SPIRE1: variants seen among roughly 807,000 people sequenced by gnomAD.
The protein encoded by SPIRE1 is protein spire homolog 1.
SPIRE1 carries 40 observed loss-of-function variants against 94.1 expected under a neutral mutation model. The observed-to-expected ratio is 0.43, with a 90% confidence interval of 0.33 to 0.55. The LOEUF (loss-of-function observed/expected upper bound fraction) is 0.55, where lower values mean the gene tolerates loss of function less well. SPIRE1 is among the 20% of genes least tolerant of loss of function. The probability of loss-of-function intolerance (pLI) is 0.06; values close to 1 mark genes in which losing one functional copy is unlikely to be tolerated. For synonymous variants in SPIRE1, 376 were observed against 371.7 expected, an observed-to-expected ratio of 1.01 and a Z score of -0.13; for missense variants, 838 against 975.2, an observed-to-expected ratio of 0.86 and a Z score of 1.87.
intron 4 of SPIRE1, among the ~76,000 whole-genome samples, chr18:12,519,110 C>G (rs1217348004): frequency 6.6e-6 from 1 of 151,962 alleles, no homozygotes; most frequent in East Asian, 1.9e-4. Flanking sequence ...CAAGTAACAA[C>G]TATAGCAATT....
chr18:12,551,611 G>A (rs1220755826), intron 2 of SPIRE1, among the ~76,000 whole-genome samples: 1 of 152,044 alleles, frequency 6.6e-6, no homozygotes, highest in African/African-American at 2.4e-5. Flanking sequence ...AGGCTGAGGC[G>A]GGAGAATGGC....
At chr18:12,501,086 AAAAAAAAAAG>A (rs1420218179) in intron 6 of SPIRE1, among the ~76,000 whole-genome samples, 9 of 147,990 alleles carry the variant, frequency 6.1e-5, no homozygotes, top group East Asian at 1.9e-4. Context: ...AAAAAAAAAA[AAAAAAAAAAG>A]AAAAAAAAAA....
intron 6 of SPIRE1, among the ~76,000 whole-genome samples, chr18:12,497,429 A>T (rs1051332060): frequency 7.9e-5 from 12 of 152,138 alleles, no homozygotes; most frequent in African/African-American, 2.9e-4. Context: ...TTGTTTGACA[A>T]AATAGAACCT....
chr18:12,517,022 G>A (rs1178947559), intron 4 of SPIRE1, among the ~76,000 whole-genome samples: 1 of 152,190 alleles, frequency 6.6e-6, no homozygotes, highest in Non-Finnish European at 1.5e-5. Flanking sequence ...CTGTAGCTCA[G>A]ATACTTTCCA....
chr18:12,460,887 G>T (rs954659052), intron 12 of SPIRE1, among the ~76,000 whole-genome samples: 8 of 152,096 alleles, frequency 5.3e-5, no homozygotes, highest in African/African-American at 1.9e-4. Context: ...TGATTTTATG[G>T]ATTTCCCAAG....
At chr18:12,482,142 G>A (rs916508927) in intron 9 of SPIRE1, among the ~76,000 whole-genome samples, 2 of 152,056 alleles carry the variant, frequency 1.3e-5, no homozygotes, top group Non-Finnish European at 2.9e-5. Flanking sequence ...AAATAGTTTT[G>A]GCAGTTATTT....
intron 3 of SPIRE1, among the ~76,000 whole-genome samples, chr18:12,539,591 A>G (rs909012549): frequency 1.5e-5 from 2 of 133,952 alleles, no homozygotes; most frequent in Non-Finnish European, 3.2e-5. Context: ...ACACACGCAC[A>G]CACACACACA....
At chr18:12,491,119 A>G (rs1371880597) in intron 8 of SPIRE1, among the ~76,000 whole-genome samples, 2 of 152,066 alleles carry the variant, frequency 1.3e-5, no homozygotes, top group African/African-American at 4.8e-5. Flanking sequence ...AGTAAATTTA[A>G]TAAGGAGGTA....
At chr18:12,481,924 A>G (rs1213887769) in intron 9 of SPIRE1, among the ~76,000 whole-genome samples, 1 of 152,180 alleles carries the variant, frequency 6.6e-6, no homozygotes, top group Admixed American at 6.5e-5. Context: ...TTTCAAACGC[A>G]CACACCTTCC....
chr18:12,617,554 G>T, intron 2 of SPIRE1, among the ~76,000 whole-genome samples: 1 of 151,970 alleles, frequency 6.6e-6, no homozygotes, highest in East Asian at 1.9e-4. Flanking sequence ...GGGATTATAG[G>T]CGCCTGCCAC....
intron 16 of SPIRE1, chr18:12,450,882 C>T: frequency 1.4e-6 from 1 of 718,628 alleles, no homozygotes; most frequent in South Asian, 1.4e-5. Context: ...ACTAAGGCGG[C>T]AAAGCTGAAG....
intron 1 of SPIRE1, among the ~76,000 whole-genome samples, chr18:12,643,938 C>T (rs958690674): frequency 3.3e-5 from 5 of 150,874 alleles, no homozygotes; most frequent in Admixed American, 3.3e-4. Flanking sequence ...TCTATAATCC[C>T]AGCACTTTGG....
intron 2 of SPIRE1, among the ~76,000 whole-genome samples, chr18:12,571,884 T>C (rs2035967901): frequency 1.3e-5 from 2 of 152,096 alleles, no homozygotes; most frequent in Admixed American, 1.3e-4. Context: ...GGAAAACAGA[T>C]AATAAACTGA....
At chr18:12,549,635 G>C (rs895152263) in intron 2 of SPIRE1, among the ~76,000 whole-genome samples, 1 of 151,392 alleles carries the variant, frequency 6.6e-6, no homozygotes, top group African/African-American at 2.4e-5. Context: ...TATTTTAGTA[G>C]AGTCGGGGTT....
intron 2 of SPIRE1, among the ~76,000 whole-genome samples, chr18:12,547,792 A>C (rs1224266918): frequency 1.3e-5 from 2 of 152,112 alleles, no homozygotes; most frequent in Non-Finnish European, 2.9e-5. Context: ...AATTACAAAA[A>C]TGAGCTGGGC....
At chr18:12,479,350 T>C (rs2032754963) in intron 10 of SPIRE1, among the ~76,000 whole-genome samples, 2 of 151,962 alleles carry the variant, frequency 1.3e-5, no homozygotes, top group African/African-American at 2.4e-5. Flanking sequence ...AACTTTTTAA[T>C]TTTTTGTAGA....
chr18:12,622,536 CCT>C (rs1321021638), intron 2 of SPIRE1, among the ~76,000 whole-genome samples: 3 of 150,682 alleles, frequency 2.0e-5, no homozygotes, highest in African/African-American at 7.3e-5. Flanking sequence ...CATTCTCCTG[CCT>C]CAGCCTCCTG....
At chr18:12,501,268 G>A (rs776423499) in intron 6 of SPIRE1, among the ~76,000 whole-genome samples, 1 of 152,090 alleles carries the variant, frequency 6.6e-6, no homozygotes, top group South Asian at 2.1e-4. Flanking sequence ...GTGGTTACCA[G>A]GGGATAAGGG....
At chr18:12,550,591 G>A (rs2035319941) in intron 2 of SPIRE1, among the ~76,000 whole-genome samples, 1 of 151,906 alleles carries the variant, frequency 6.6e-6, no homozygotes, top group African/African-American at 2.4e-5. Context: ...TGAACCCCTG[G>A]GCTCGAGCAA....
Sources: gnomAD v4.1 joint callset for allele counts (sites outside exome capture counted in the v4.1 genomes callset) on GRCh38, gnomAD v4.1.1 for gene constraint, MANE v1.5 for transcripts, NCBI Gene and HGNC (gene_info 2026-07-23, HGNC 2026-07-21) for gene names.